The following UBXN11 variants were observed in gnomAD, a reference collection of about 807,000 sequenced individuals.
UBXN11 encodes the protein UBX domain protein 11, also known as UBX domain-containing protein 11.
UBXN11 carries 47 observed loss-of-function variants against 62.8 expected under a neutral mutation model. That is an observed-to-expected ratio of 0.75 (90% CI 0.59 to 0.95). UBXN11 has a LOEUF of 0.95. Ranked by LOEUF, UBXN11 falls within the 40% of genes least tolerant of loss-of-function variation. The pLI is 0.00. For synonymous variants in UBXN11, 294 were observed against 267.0 expected, an observed-to-expected ratio of 1.10 and a Z score of -0.99; for missense variants, 638 against 661.7, an observed-to-expected ratio of 0.96 and a Z score of 0.39.
At chr1:26,284,078 G>T in intron 12 of UBXN11, 64 bp downstream of exon 12, 1 of 1,485,300 alleles carries the variant, frequency 6.7e-7, no homozygotes, top group Non-Finnish European at 9.1e-7. Context: ...TGTTCTGGCA[G>T]GCTGGACCAG....
intron 4 of UBXN11, among the ~76,000 whole-genome samples, chr1:26,300,310 AG>A (rs1305377537): frequency 2.0e-5 from 3 of 152,158 alleles, no homozygotes; most frequent in Non-Finnish European, 4.4e-5. Context: ...TTCACAGAGG[AG>A]GCCTCAGAGA....
chr1:26,285,238 A>T (rs2073099768), intron 10 of UBXN11: 1 of 1,323,246 alleles, frequency 7.6e-7, no homozygotes, highest in Admixed American at 3.4e-5. Context: ...CCCGCAGCCG[A>T]GGCTGTCTCC....
upstream of UBXN11, among the ~76,000 whole-genome samples, chr1:26,309,194 A>G (rs536912398): frequency 2.1e-4 from 31 of 149,722 alleles, no homozygotes; most frequent in Admixed American, 6.0e-4. Context: ...CAGCCTCCCA[A>G]AGTGCTGGGA....
At position 26,284,201 on chromosome 1, in the gene UBXN11, A is replaced by G. The variant is rs1260391686; in HGVS notation, c.1018T>C (p.Phe340Leu). The G allele has an allele frequency of 5.0e-6, 8 of 1,612,944 alleles. No homozygotes were observed. Among genetic ancestry groups the G allele is most frequent in the Non-Finnish European group, 6.8e-6 (8 of 1,179,432 alleles). The change falls in exon 12 of 15, where the codon TTT (phenylalanine) becomes CTT (leucine). Residue 340 changes from phenylalanine (F) to leucine (L), a missense_variant. Phe to Leu is a conservative substitution (Grantham distance 22). Coordinates refer to ENST00000374222, the MANE Select transcript of UBXN11 (RefSeq NM_001389556.1). ...ATCACCTCGCCTTGCCGGATCACAAACTTGGGGAGCCTGTTCAGAAATTTC... is the reference window on the plus strand; with the variant it reads ...ATCACCTCGCCTTGCCGGATCACAAGCTTGGGGAGCCTGTTCAGAAATTTC... ...AEKFLNRLPK[F>L]VIRQGEVIDI...
chr1:26,314,807 T>G (rs942272527), intron 1 of UBXN11, among the ~76,000 whole-genome samples: 1 of 152,186 alleles, frequency 6.6e-6, no homozygotes, highest in Non-Finnish European at 1.5e-5. Flanking sequence ...TTAGGAACTT[T>G]GAGTTTCCTA....
intron 1 of UBXN11, among the ~76,000 whole-genome samples, chr1:26,303,376 A>G (rs570038254): frequency 5.9e-5 from 9 of 152,188 alleles, no homozygotes; most frequent in African/African-American, 1.7e-4. Flanking sequence ...GCAGGATTCA[A>G]TCAAGACACA....
At position 26,302,844 on chromosome 1, in the gene UBXN11, C is replaced by T; in HGVS notation, c.40G>A (p.Val14Met). 1 of 1,613,868 alleles carries T rather than the reference C, an allele frequency of 6.2e-7. No homozygotes were observed. The highest frequency in any genetic ancestry group is 1.1e-5 in the South Asian group (1 of 91,064). ...PLASLSKTRK[V>M]PLPSEPMNPG... ...TTCATAGGCTCCGAGGGCAGGGGCA[C>T]TTTTCGGGTCTTGCTAAGGGAGGCC... The change falls in exon 2 of 15, where the codon GTG becomes ATG. Residue 14 changes from valine to methionine, a missense_variant. Coordinates refer to ENST00000374222, the MANE Select transcript of UBXN11 (RefSeq NM_001389556.1).
upstream of UBXN11, among the ~76,000 whole-genome samples, chr1:26,310,538 C>CAAA (rs112135867): frequency 0.67 from 91,990 of 137,376 alleles, 31,423 homozygotes; most frequent in Non-Finnish European, 0.74. Flanking sequence ...GACTCCATCT[C>CAAA]AAAAAAAAAA....
chr1:26,297,369 T>A, intron 6 of UBXN11, 58 bp downstream of exon 6: 1 of 1,472,456 alleles, frequency 6.8e-7, no homozygotes, highest in Non-Finnish European at 9.0e-7. Context: ...CCAGGAGCCC[T>A]GGGCCCAGGG....
At chr1:26,298,118 G>T (rs906423147) in intron 4 of UBXN11, 56 bp from the exon 5 acceptor site, 10 of 1,563,342 alleles carry the variant, frequency 6.4e-6, no homozygotes, top group Non-Finnish European at 7.8e-6. Context: ...CTGAGTTGTG[G>T]GGGGGAGGGA....
At chr1:26,304,306 A>AGCCCCT (rs779539856) in intron 1 of UBXN11, among the ~76,000 whole-genome samples, 3 of 151,968 alleles carry the variant, frequency 2.0e-5, no homozygotes, top group Admixed American at 6.5e-5. Context: ...ACCCTGCCCC[A>AGCCCCT]GCCCCTGCCC....
chr1:26,294,434 G>GC, intron 7 of UBXN11, 103 bp from the exon 8 acceptor site: 2 of 1,498,594 alleles, frequency 1.3e-6, no homozygotes, highest in Non-Finnish European at 1.8e-6. Flanking sequence ...AGGCAATGGG[G>GC]CCCCCAGAGC....
chr1:26,316,861 C>T (rs1438576485), intron 1 of UBXN11, among the ~76,000 whole-genome samples: 1 of 151,646 alleles, frequency 6.6e-6, no homozygotes, highest in Non-Finnish European at 1.5e-5. Flanking sequence ...TCCCTTCCCT[C>T]GCTCCCCTCC....
intron 6 of UBXN11, 67 bp downstream of exon 6, chr1:26,297,360 C>T: frequency 3.4e-6 from 5 of 1,460,512 alleles, no homozygotes; most frequent in Non-Finnish European, 3.6e-6. Flanking sequence ...GTGAAGCTTC[C>T]AGGAGCCCTG....
chr1:26,318,103 C>T, exon 1 of UBXN11: 8 of 1,596,846 alleles, frequency 5.0e-6, no homozygotes, highest in Non-Finnish European at 6.9e-6. Flanking sequence ...ACTGCCAGGA[C>T]TCCCCAAAGT....
intron 1 of UBXN11, among the ~76,000 whole-genome samples, chr1:26,306,054 G>C (rs941464742): frequency 1.3e-5 from 2 of 152,184 alleles, no homozygotes; most frequent in East Asian, 1.9e-4. Context: ...TGTCCGTTTG[G>C]GGGGACTCCT....
rs557677291 is a variant in UBXN11 at position 26,305,564 on chromosome 1, C to T, written c.-36+1028G>A. On this transcript the variant is annotated intron_variant, in intron 1 of 14. Coordinates refer to ENST00000374222, the MANE Select transcript of UBXN11 (RefSeq NM_001389556.1). Reference sequence around the variant, plus strand: ...ACTTTCTGTTCTATAGACTTGCCCACACTGCACATTTCATATAAATGGAAT... The same window carrying T: ...ACTTTCTGTTCTATAGACTTGCCCATACTGCACATTTCATATAAATGGAAT... 1.0e-3 allele frequency among the ~76,000 whole-genome samples: 157 copies of T among 152,088 alleles called. 1 individual carries two copies. Among genetic ancestry groups the T allele is most frequent in the Non-Finnish European group, 2.0e-3 (134 of 68,024 alleles).
At position 26,285,854 on chromosome 1, in the gene UBXN11, G is replaced by A; in HGVS notation, c.743C>T (p.Pro248Leu). The A allele has an allele frequency of 6.2e-7, 1 of 1,610,966 alleles. No individual in the cohort carries two copies. The highest frequency in any genetic ancestry group is 8.5e-7 in the Non-Finnish European group (1 of 1,177,446). The change falls in exon 9 of 15, where the codon CCC (proline) becomes CTC (leucine). Residue 248 changes from proline (P) to leucine (L), a missense_variant. Physicochemically the swap from Pro to Leu is moderately conservative, Grantham distance 98. Coordinates refer to ENST00000374222, the MANE Select transcript of UBXN11 (RefSeq NM_001389556.1). ...YRNGIMMFDG[P>L]FQPFYDPSTQ... ...GGAGGGATCGTAGAAGGGCTGGAAG[G>A]GCCCGTCGAACATCATGATGCCATT...
intron 7 of UBXN11, among the ~76,000 whole-genome samples, chr1:26,295,037 A>G (rs2073360519): frequency 6.6e-6 from 1 of 152,036 alleles, no homozygotes; most frequent in Non-Finnish European, 1.5e-5. Context: ...TCTCCCAAAT[A>G]TATACGACAG....
Sources: allele counts gnomAD v4.1 joint callset (sites outside exome capture counted in the v4.1 genomes callset), GRCh38; gene constraint gnomAD v4.1.1; transcripts MANE v1.5; gene names NCBI Gene and HGNC (gene_info 2026-07-23, HGNC 2026-07-21).